The following KRT86 variants were observed in gnomAD, a reference collection of about 807,000 sequenced individuals.
KRT86 encodes keratin 86.
Under a neutral mutation model 41.2 loss-of-function variants are expected in KRT86, and 30 were observed. That is an observed-to-expected ratio of 0.73 (90% CI 0.54 to 0.99). KRT86 has a LOEUF of 0.99. Ranked by LOEUF, KRT86 falls within the 50% of genes least tolerant of loss-of-function variation. KRT86 has a pLI of 0.00. For missense variants in KRT86, 561 were observed against 571.4 expected (o/e 0.98, Z 0.19); for synonymous variants, 238 against 238.1 (o/e 1.00, Z 0.00).
At chr12:52,293,189 T>C (rs1318025029) in intron 2 of KRT86, among the ~76,000 whole-genome samples, 5 of 152,236 alleles carry the variant, frequency 3.3e-5, no homozygotes, top group African/African-American at 1.2e-4. Context: ...CTTAGTTTGA[T>C]AAGAATATGT....
chr12:52,287,498 T>C lies in KRT86; in HGVS notation c.-5+11552T>C, dbSNP rs4761785. On this transcript the variant is annotated intron_variant, in intron 2 of 10. Transcript: ENST00000423955. ...AGGGACTCTACATGGACAAAGGGGG[T>C]GGAGAATGAATGCTGAGATCCAGGT... 1,333,177 of 1,606,612 alleles carry C rather than the reference T, an allele frequency of 0.83. 555,212 individuals carry two copies. Among genetic ancestry groups the C allele is most frequent in the African/African-American group, 0.97 (72,503 of 74,854 alleles).
At chr12:52,300,220 C>A (rs1177317232) in intron 2 of KRT86, among the ~76,000 whole-genome samples, 1 of 152,128 alleles carries the variant, frequency 6.6e-6, no homozygotes, top group Non-Finnish European at 1.5e-5. Context: ...ATAGGCCATA[C>A]AACTGAAACA....
chr12:52,286,909 C>T, intron 2 of KRT86: 1 of 1,556,030 alleles, frequency 6.4e-7, no homozygotes, highest in East Asian at 2.3e-5. Flanking sequence ...GGGTCCACAA[C>T]TGGTCAATTA....
chr12:52,282,809 T>C (rs1483800814), intron 2 of KRT86, among the ~76,000 whole-genome samples: 1 of 152,152 alleles, frequency 6.6e-6, no homozygotes, highest in East Asian at 1.9e-4. Flanking sequence ...TGCACTCACA[T>C]CCACATGTAC....
chr12:52,291,243 G>T, intron 2 of KRT86: 1 of 1,505,334 alleles, frequency 6.6e-7, no homozygotes, highest in South Asian at 1.2e-5. Context: ...ATGCATGGGG[G>T]ACTGGGCCCG....
At chr12:52,287,960 A>G (rs1262298384) in intron 2 of KRT86, 2 of 1,614,070 alleles carry the variant, frequency 1.2e-6, no homozygotes, top group East Asian at 2.2e-5. Context: ...CACGTCTAGC[A>G]GGCAGGTGTC....
At chr12:52,277,625 A>T (rs1474242672) in intron 2 of KRT86, 3 of 152,528 alleles carry the variant, frequency 2.0e-5, no homozygotes, top group Non-Finnish European at 4.4e-5. Context: ...GCTAAGCAGG[A>T]TGTGATGTAG....
At position 52,306,087 on chromosome 12, in the gene KRT86, C is replaced by G; in HGVS notation, c.1054C>G (p.Gln352Glu). The change falls in exon 9 of 11, where the codon CAG becomes GAG. Residue 352 changes from glutamine to glutamate, a missense_variant. Gln to Glu is a conservative substitution (Grantham distance 29, BLOSUM62 2). Transcript: ENST00000423955. Reference sequence around the variant, plus strand: ...TTCCAAGCTGGAGGCTGCGGTGGCTCAGTCTGAGCAGCAGGGTGAGGCGGC... The same window carrying G: ...TTCCAAGCTGGAGGCTGCGGTGGCTGAGTCTGAGCAGCAGGGTGAGGCGGC... ...QNSKLEAAVAQSEQQGEAALS... is the reference protein window; with the variant it reads ...QNSKLEAAVAESEQQGEAALS... 3.1e-6 allele frequency: 5 copies of G among 1,614,022 alleles called. No individual in the cohort carries two copies. Among genetic ancestry groups the G allele is most frequent in the Non-Finnish European group, 4.2e-6 (5 of 1,180,036 alleles).
intron 2 of KRT86, among the ~76,000 whole-genome samples, chr12:52,280,873 G>A (rs1233115468): frequency 6.6e-6 from 1 of 152,090 alleles, no homozygotes; most frequent in Admixed American, 6.6e-5. Flanking sequence ...TGTCAACAAG[G>A]GAACTTTGTG....
chr12:52,291,884 G>A (rs1387478337), intron 2 of KRT86, among the ~76,000 whole-genome samples: 1 of 152,076 alleles, frequency 6.6e-6, no homozygotes, highest in Non-Finnish European at 1.5e-5. Flanking sequence ...GGGAGAAACT[G>A]GGAGGAGGAG....
At chr12:52,290,953 C>G in intron 2 of KRT86, 4 of 350,434 alleles carry the variant, frequency 1.1e-5, no homozygotes, top group South Asian at 9.1e-5. Flanking sequence ...ATGTGTCTGT[C>G]TGTCTGTGTG....
intron 2 of KRT86, among the ~76,000 whole-genome samples, chr12:52,292,791 T>C (rs1938162251): frequency 6.6e-6 from 1 of 152,238 alleles, no homozygotes; most frequent in Non-Finnish European, 1.5e-5. Context: ...ATATGCTGTG[T>C]AACTCTTATT....
chr12:52,306,041 T>TTC lies in KRT86; in HGVS notation c.1027-13_1027-12dup, dbSNP rs751659992. On this transcript the variant is annotated intron_variant, in intron 8 of 10. Transcript: ENST00000423955. ...GACCCAGGGACTCTAATCTACCTTG[T>TTC]TCTCTCTGTTCTCTTCAGAATTCCA... 1 of 1,613,550 alleles carries TTC rather than the reference T, an allele frequency of 6.2e-7. No individual in the cohort carries two copies. The highest frequency in any genetic ancestry group is 2.2e-5 in the East Asian group (1 of 44,876).
Position 52,304,178 on chromosome 12 carries a change from G to C in KRT86, c.639+7G>C. The C allele has an allele frequency of 3.6e-6, 1 of 277,332 alleles. No individual in the cohort carries two copies. 17.2% of individuals were successfully genotyped at this position (277,332 alleles called of 1,614,324 possible). ...GTTTGTGGCTCTGAAGAAGGCAAGT[G>C]ACACAGGATTGAGAAGCACAGATCT... On this transcript the variant is annotated splice_region_variant and intron_variant, in intron 5 of 10. Coordinates refer to ENST00000423955, the MANE Select transcript of KRT86 (RefSeq NM_001320198.2).
intron 2 of KRT86, among the ~76,000 whole-genome samples, chr12:52,296,164 C>T (rs1432757390): frequency 6.6e-6 from 1 of 152,060 alleles, no homozygotes; most frequent in African/African-American, 2.4e-5. Context: ...CTATTATTCT[C>T]AGGGTGACTT....
intron 2 of KRT86, chr12:52,291,470 C>T (rs1307587838): frequency 6.2e-7 from 1 of 1,612,698 alleles, no homozygotes; most frequent in African/African-American, 1.3e-5. Flanking sequence ...GGTCATGATC[C>T]TCCTGGACGT....
intron 2 of KRT86, among the ~76,000 whole-genome samples, chr12:52,296,742 AGC>A (rs1269516802): frequency 1.3e-5 from 2 of 152,190 alleles, no homozygotes; most frequent in Non-Finnish European, 2.9e-5. Context: ...TTGTGTAAGC[AGC>A]CACTCCACTA....
chr12:52,294,160 GCA>G lies in KRT86; in HGVS notation c.-4-7751_-4-7750del, dbSNP rs576521299. 4.9e-4 allele frequency among the ~76,000 whole-genome samples: 75 copies of G among 152,318 alleles called. 1 individual carries two copies. The South Asian group carries it at 1.0e-2, about 20-fold the overall frequency. On this transcript the variant is annotated intron_variant, in intron 2 of 10. Transcript: ENST00000423955. Reference sequence around the variant, plus strand: ...TTTGTACCCTCATCTGGAATTTGGGGCACTGCTCACAATTGAGCAGTGATGTC... The same window carrying G: ...TTTGTACCCTCATCTGGAATTTGGGGCTGCTCACAATTGAGCAGTGATGTC...
At chr12:52,287,651 T>C in intron 2 of KRT86, 1 of 1,613,922 alleles carries the variant, frequency 6.2e-7, no homozygotes, top group South Asian at 1.1e-5. Flanking sequence ...GCGGTTCAGC[T>C]CATTGATCTC....
Sources: allele counts gnomAD v4.1 joint callset (sites outside exome capture counted in the v4.1 genomes callset), GRCh38; gene constraint gnomAD v4.1.1; transcripts MANE v1.5; gene names NCBI Gene and HGNC (gene_info 2026-07-23, HGNC 2026-07-21).